Variants in ABCA13 observed in about 807,000 individuals in gnomAD.
ABCA13 encodes the protein ATP binding cassette subfamily A member 13.
ABCA13 carries 476 observed loss-of-function variants against 478.7 expected under a neutral mutation model. That is an observed-to-expected ratio of 0.99 (90% CI 0.92 to 1.07). ABCA13 has a LOEUF of 1.07. ABCA13 is among the 50% of genes least tolerant of loss of function. The probability of loss-of-function intolerance (pLI) is 0.00; values close to 1 mark genes in which losing one functional copy is unlikely to be tolerated. For missense variants in ABCA13, 6,060 were observed against 5,910.6 expected, an observed-to-expected ratio of 1.03 and a Z score of -0.83; for synonymous variants, 2,252 against 2,158.9, an observed-to-expected ratio of 1.04 and a Z score of -1.20.
chr7:48,492,575 G>A (rs186080052), intron 48 of ABCA13, among the ~76,000 whole-genome samples: 54 of 152,290 alleles, frequency 3.5e-4, no homozygotes, highest in African/African-American at 1.2e-3. Context: ...GTGTTGGGAG[G>A]AGGAACCTTT....
chr7:48,320,596 T>C (rs1267172754), intron 27 of ABCA13, among the ~76,000 whole-genome samples: 1 of 152,140 alleles, frequency 6.6e-6, no homozygotes, highest in Non-Finnish European at 1.5e-5. Context: ...CCTAGGCTGA[T>C]GAAAAATTGA....
At position 48,338,376 on chromosome 7, in the gene ABCA13, A is replaced by T. The variant is rs1460178129; in HGVS notation, c.10125A>T (p.Arg3375Ser). ...QMFNQLQEAL[R>S]NKFVRNFVEN... ...TTATTTTTCTTTAGGAGGCCCTGAG[A>T]AACAAATTTGTAAGAAACTTTGTAG... The change falls in exon 29 of 62, where the codon AGA (arginine) becomes AGT (serine). Residue 3375 changes from arginine to serine, a missense_variant. Coordinates refer to ENST00000435803, the MANE Select transcript of ABCA13 (RefSeq NM_152701.5). 6.3e-7 allele frequency: 1 copy of T among 1,595,766 alleles called. No homozygotes were observed. The highest frequency in any genetic ancestry group is 8.5e-7 in the Non-Finnish European group (1 of 1,170,776).
chr7:48,483,167 A>G lies in ABCA13; in HGVS notation c.13182+4A>G. On this transcript the variant is annotated splice_donor_region_variant and intron_variant, in intron 47 of 61. Coordinates refer to ENST00000435803, the MANE Select transcript of ABCA13 (RefSeq NM_152701.5). The stretch of plus-strand genomic sequence containing the variant: ...AAAACCCCCAACTCTGGCAAAGGTA[A>G]TCATATTTTTTTATTTTTTTCCTGT... The G allele has an allele frequency of 6.2e-7, 1 of 1,603,758 alleles. No individual in the cohort carries two copies. Among genetic ancestry groups the G allele is most frequent in the East Asian group, 2.2e-5 (1 of 44,620 alleles).
chr7:48,394,589 C>G (rs1350835234), intron 38 of ABCA13, among the ~76,000 whole-genome samples: 1 of 152,184 alleles, frequency 6.6e-6, no homozygotes, highest in Non-Finnish European at 1.5e-5. Context: ...TTCTTTCCAC[C>G]AGATAGCAAA....
At chr7:48,466,810 A>C in intron 43 of ABCA13, 146 bp from the exon 44 acceptor site, 1 of 724,202 alleles carries the variant, frequency 1.4e-6, no homozygotes, top group Non-Finnish European at 2.4e-6. Context: ...AAACAGTGGA[A>C]AATTAGCTGT....
At chr7:48,560,976 T>G (rs1407603509) in intron 55 of ABCA13, among the ~76,000 whole-genome samples, 1 of 152,152 alleles carries the variant, frequency 6.6e-6, no homozygotes, top group Admixed American at 6.6e-5. Context: ...GTATTTGACT[T>G]ATTTCCCATA....
Position 48,331,093 on chromosome 7 carries a change from A to C in ABCA13, c.10000-4329A>C, listed in dbSNP as rs987816992. Among the ~76,000 whole-genome samples, 4 of 152,254 alleles carry C rather than the reference A, an allele frequency of 2.6e-5. No individual in the cohort carries two copies. The East Asian group carries it at 7.7e-4, about 29-fold the overall frequency. On this transcript the variant is annotated intron_variant, in intron 27 of 61. Transcript: ENST00000435803. ...TGATATAACTAAGAAAATAATTGAT[A>C]TAACAAAAAATAATGAATACAACAG... is the stretch of plus-strand genomic sequence containing the variant.
chr7:48,249,158 A>C, intron 14 of ABCA13, 54 bp from the exon 15 acceptor site: 1 of 1,509,894 alleles, frequency 6.6e-7, no homozygotes, highest in Non-Finnish European at 9.0e-7. Context: ...ATGATCTGTC[A>C]TCTGCAAGAT....
intron 19 of ABCA13, among the ~76,000 whole-genome samples, chr7:48,283,306 C>A (rs1797299579): frequency 6.6e-6 from 1 of 152,052 alleles, no homozygotes; most frequent in Non-Finnish European, 1.5e-5. Flanking sequence ...TGGGCAGAAC[C>A]AGCATGTCAA....
chr7:48,587,170 T>C lies in ABCA13; in HGVS notation c.14522T>C (p.Ile4841Thr). The C allele has an allele frequency of 6.2e-7, 1 of 1,613,206 alleles. No homozygotes were observed. Among genetic ancestry groups the C allele is most frequent in the Non-Finnish European group, 8.5e-7 (1 of 1,179,612 alleles). ...CTCTTCCAGGTTGCTGGAGACCTCATCAGGCGCTTACACCTCGAAGCCCAC... is the reference window on the plus strand; with the variant it reads ...CTCTTCCAGGTTGCTGGAGACCTCACCAGGCGCTTACACCTCGAAGCCCAC... ...QCIPEVAGDL[I>T]RRLHLEAHAD... Residue 4841 changes from isoleucine (I) to threonine (T), a missense_variant, in exon 57 of 62, where the codon ATC becomes ACC. By Grantham distance (89) the Ile-to-Thr change is moderately conservative. This residue lies in a region of ABCA13 where 1,627 missense variants were observed against 1,571.0 expected (regional missense o/e 1.04). Coordinates refer to ENST00000435803, the MANE Select transcript of ABCA13 (RefSeq NM_152701.5).
intron 8 of ABCA13, among the ~76,000 whole-genome samples, chr7:48,236,768 CAACAT>C (rs1790015267): frequency 1.3e-5 from 2 of 152,190 alleles, no homozygotes; most frequent in Admixed American, 1.3e-4. Context: ...ACTTGCCATA[CAACAT>C]AACATATTCA....
intron 43 of ABCA13, among the ~76,000 whole-genome samples, chr7:48,464,994 T>C (rs373352428): frequency 6.6e-5 from 10 of 152,082 alleles, no homozygotes; most frequent in Admixed American, 2.0e-4. Context: ...TCCAGGATAT[T>C]GGAGATACCG....
intron 41 of ABCA13, among the ~76,000 whole-genome samples, chr7:48,425,962 C>T (rs1455046070): frequency 6.6e-6 from 1 of 152,028 alleles, no homozygotes; most frequent in Non-Finnish European, 1.5e-5. Context: ...AGGATGGTCT[C>T]GATCTCCTGA....
chr7:48,465,824 C>T (rs971489054), intron 43 of ABCA13, among the ~76,000 whole-genome samples: 8 of 148,602 alleles, frequency 5.4e-5, no homozygotes, highest in African/African-American at 1.5e-4. Flanking sequence ...ATTAACCAAC[C>T]TCTTTCTCTC....
chr7:48,507,507 T>C (rs566815447), intron 49 of ABCA13, among the ~76,000 whole-genome samples: 122 of 152,270 alleles, frequency 8.0e-4, no homozygotes, highest in African/African-American at 2.5e-3. Context: ...TGCTACTGTA[T>C]TGCAAAGCAG....
At chr7:48,407,931 C>T (rs1158667649) in intron 39 of ABCA13, among the ~76,000 whole-genome samples, 3 of 152,122 alleles carry the variant, frequency 2.0e-5, no homozygotes, top group Admixed American at 6.5e-5. Flanking sequence ...GCAAATACTA[C>T]CCCATTTTAC....
rs535029624 is a variant in ABCA13 at position 48,524,965 on chromosome 7, A to G, written c.14244+525A>G. On this transcript the variant is annotated intron_variant, in intron 54 of 61. Transcript: ENST00000435803. ...ATAAATTGTTCCTGATTTATGCTTA[A>G]TGTGTAAAGGGAAATCAGTTCTGGA... is the stretch of plus-strand genomic sequence containing the variant. 8.1e-4 allele frequency among the ~76,000 whole-genome samples: 123 copies of G among 152,352 alleles called. 1 individual carries two copies. The South Asian group carries it at 0.019, about 23-fold the overall frequency.
At chr7:48,309,189 T>A (rs1801381741) in intron 23 of ABCA13, among the ~76,000 whole-genome samples, 1 of 151,926 alleles carries the variant, frequency 6.6e-6, no homozygotes, top group South Asian at 2.1e-4. Context: ...AGAGCATGGT[T>A]CCTATTCACA....
chr7:48,644,746 T>C lies in ABCA13; in HGVS notation c.15073T>C (p.Leu5025=). The C allele has an allele frequency of 1.2e-6, 2 of 1,602,696 alleles. No individual in the cohort carries two copies. Among genetic ancestry groups the C allele is most frequent in the Non-Finnish European group, 1.7e-6 (2 of 1,176,618 alleles). The stretch of plus-strand genomic sequence containing the variant: ...GCATTATTCCATTAACCAAACCACT[T>C]TGGAGCAGGTATAGTATCTTGAATG... ...IKHYSINQTT[L]EQVFINFASE... The change falls in exon 61 of 62, where the codon TTG becomes CTG. Residue 5025 remains leucine, a synonymous_variant. Transcript: ENST00000435803.
Sources: allele counts gnomAD v4.1 joint callset (sites outside exome capture counted in the v4.1 genomes callset), GRCh38; gene constraint gnomAD v4.1.1; regional missense constraint gnomAD v4.1.1; transcripts MANE v1.5; gene names NCBI Gene and HGNC (gene_info 2026-07-23, HGNC 2026-07-21).